Variants in MACROD2 observed in about 807,000 individuals in gnomAD.
MACROD2 encodes ADP-ribose glycohydrolase MACROD2.
In MACROD2, 36 loss-of-function variants were observed where a neutral mutation model predicts 70.4. That is an observed-to-expected ratio of 0.51 (90% CI 0.39 to 0.68). The LOEUF is 0.68. Among genes scored for constraint, MACROD2 ranks in the 30% least tolerant of loss-of-function variants. The probability of loss-of-function intolerance (pLI) is 0.00; values close to 1 mark genes in which losing one functional copy is unlikely to be tolerated. For missense variants in MACROD2, 496 were observed against 538.4 expected (o/e 0.92, Z 0.78); for synonymous variants, 172 against 178.8 (o/e 0.96, Z 0.30).
chr20:15,655,210 A>G (rs2049710380), intron 8 of MACROD2, among the ~76,000 whole-genome samples: 1 of 152,088 alleles, frequency 6.6e-6, no homozygotes, highest in South Asian at 2.1e-4. Context: ...CTTAGATGTG[A>G]AAAAGGACAA....
At chr20:14,175,664 C>T (rs1265455975) in intron 3 of MACROD2, among the ~76,000 whole-genome samples, 1 of 152,124 alleles carries the variant, frequency 6.6e-6, no homozygotes, top group Non-Finnish European at 1.5e-5. Context: ...GAGTTAGGCT[C>T]TCATAAATCA....
chr20:15,716,576 T>C (rs1342788188), intron 8 of MACROD2, among the ~76,000 whole-genome samples: 2 of 152,228 alleles, frequency 1.3e-5, no homozygotes, highest in African/African-American at 4.8e-5. Context: ...GCACAAGCTT[T>C]ATACTTTACC....
intron 4 of MACROD2, among the ~76,000 whole-genome samples, chr20:14,550,505 A>G (rs538546222): frequency 6.6e-6 from 1 of 152,304 alleles, no homozygotes; most frequent in South Asian, 2.1e-4. Context: ...AGAAGAGAAG[A>G]CATAAGTCTG....
At chr20:15,021,320 A>G (rs543893675) in intron 5 of MACROD2, among the ~76,000 whole-genome samples, 4 of 141,560 alleles carry the variant, frequency 2.8e-5, no homozygotes, top group African/African-American at 1.0e-4. Flanking sequence ...ATATACATAT[A>G]CATACACGTG....
intron 5 of MACROD2, among the ~76,000 whole-genome samples, chr20:15,058,753 C>G (rs999096453): frequency 1.3e-5 from 2 of 152,118 alleles, no homozygotes; most frequent in Admixed American, 6.5e-5. Context: ...ACTTTTCCTT[C>G]TTTTTAAAAA....
At chr20:14,473,287 C>A (rs563804810) in intron 3 of MACROD2, among the ~76,000 whole-genome samples, 29 of 152,168 alleles carry the variant, frequency 1.9e-4, no homozygotes, top group Non-Finnish European at 3.5e-4. Context: ...GCTGACCACC[C>A]TCTCCACATC....
intron 6 of MACROD2, among the ~76,000 whole-genome samples, chr20:15,240,772 C>A (rs1334075615): frequency 6.6e-6 from 1 of 152,010 alleles, no homozygotes; most frequent in African/African-American, 2.4e-5. Context: ...AAGGATGGGG[C>A]CCTGAAGATG....
chr20:15,114,825 A>G (rs1032067086), intron 5 of MACROD2, among the ~76,000 whole-genome samples: 1 of 152,070 alleles, frequency 6.6e-6, no homozygotes, highest in Non-Finnish European at 1.5e-5. Flanking sequence ...GTCTGATGAG[A>G]CCATCAATCA....
chr20:15,964,608 A>G (rs957188494), intron 12 of MACROD2, among the ~76,000 whole-genome samples: 3 of 152,164 alleles, frequency 2.0e-5, no homozygotes, highest in Admixed American at 1.3e-4. Context: ...TTTCTCCATC[A>G]TTATGAGTAA....
chr20:14,326,507 A>G lies in MACROD2; in HGVS notation c.272-166972A>G. 6.2e-7 allele frequency: 1 copy of G among 1,613,908 alleles called. No homozygotes were observed. Among genetic ancestry groups the G allele is most frequent in the Non-Finnish European group, 8.5e-7 (1 of 1,179,870 alleles). On this transcript the variant is annotated intron_variant, in intron 3 of 17. Transcript: ENST00000684519. The surrounding 1 kb of genome is among the most constrained non-coding windows in gnomAD (Gnocchi z 5.5). ...CCACGAACCTTTTCTGGGGCTTGGC[A>G]CATGAGCCCACGCACGTTGACCTTC...
intron 3 of MACROD2, among the ~76,000 whole-genome samples, chr20:14,298,514 C>T (rs1231348177): frequency 6.7e-6 from 1 of 149,692 alleles, no homozygotes; most frequent in African/African-American, 2.5e-5. Context: ...GTTGCAGTGA[C>T]CCAAGATTGC....
intron 5 of MACROD2, among the ~76,000 whole-genome samples, chr20:15,157,625 G>A (rs1243516784): frequency 6.6e-6 from 1 of 152,048 alleles, no homozygotes; most frequent in African/African-American, 2.4e-5. Context: ...TAGCATTTAA[G>A]TTAGTGTCCT....
chr20:15,531,697 A>G lies in MACROD2; in HGVS notation c.645+31850A>G, dbSNP rs979859363. Reference sequence around the variant, plus strand: ...CTGGAAACTAGGAGAGTCCAGTGCAATCGTTTTTGTTATGACTCGTTCTCT... The same window carrying G: ...CTGGAAACTAGGAGAGTCCAGTGCAGTCGTTTTTGTTATGACTCGTTCTCT... On this transcript the variant is annotated intron_variant, in intron 8 of 17. Coordinates refer to ENST00000684519, the MANE Select transcript of MACROD2 (RefSeq NM_001351661.2). Among the ~76,000 whole-genome samples, 9 of 152,300 alleles carry G rather than the reference A, an allele frequency of 5.9e-5. 1 individual carries two copies. Among genetic ancestry groups the G allele is most frequent in the African/African-American group, 1.2e-4 (5 of 41,588 alleles).
chr20:14,656,356 T>A (rs977554308), intron 4 of MACROD2, among the ~76,000 whole-genome samples: 1 of 152,148 alleles, frequency 6.6e-6, no homozygotes, highest in Non-Finnish European at 1.5e-5. Flanking sequence ...CATTCTAACT[T>A]TAAAAAGGTG....
Position 15,161,770 on chromosome 20 carries a change from T to C in MACROD2, c.419-68170T>C, listed in dbSNP as rs539351435. On this transcript the variant is annotated intron_variant, in intron 5 of 17. Coordinates refer to ENST00000684519, the MANE Select transcript of MACROD2 (RefSeq NM_001351661.2). ...TCTGGAACCTGTCAGCTACACTTAA[T>C]TTCTACGTAGATGCAGAAATGAGGA... is the stretch of plus-strand genomic sequence containing the variant. 1.8e-4 allele frequency among the ~76,000 whole-genome samples: 28 copies of C among 152,146 alleles called. No homozygotes were observed. The South Asian group carries it at 5.6e-3, about 30-fold the overall frequency.
intron 5 of MACROD2, among the ~76,000 whole-genome samples, chr20:14,923,804 C>CGGGGG (rs1465994245): frequency 1.8e-4 from 1 of 5,666 alleles, no homozygotes; most frequent in Non-Finnish European, 4.1e-4. Flanking sequence ...GAGGGGGGGG[C>CGGGGG]GGCGGGGCGG....
At chr20:14,319,838 A>G (rs1245067372) in intron 3 of MACROD2, among the ~76,000 whole-genome samples, 1 of 151,994 alleles carries the variant, frequency 6.6e-6, no homozygotes, top group Admixed American at 6.6e-5. Flanking sequence ...TACAAAGGGT[A>G]AGTTCTCCTT....
intron 3 of MACROD2, among the ~76,000 whole-genome samples, chr20:14,408,537 C>T (rs2083715311): frequency 2.0e-5 from 3 of 152,056 alleles, no homozygotes; most frequent in South Asian, 2.1e-4. Flanking sequence ...AAATTTTCAG[C>T]GAACATGTTT....
chr20:14,072,304 A>G (rs184410031), intron 2 of MACROD2, among the ~76,000 whole-genome samples: 86 of 152,234 alleles, frequency 5.6e-4, no homozygotes, highest in Non-Finnish European at 9.1e-4. Flanking sequence ...GCATTTTGCC[A>G]CTAAAGGAAG....
Sources: allele counts gnomAD v4.1 joint callset (sites outside exome capture counted in the v4.1 genomes callset), GRCh38; gene constraint gnomAD v4.1.1; non-coding constraint Gnocchi (gnomAD v3.1); transcripts MANE v1.5; gene names NCBI Gene and HGNC (gene_info 2026-07-23, HGNC 2026-07-21).